TAF12: variants seen among roughly 807,000 people sequenced by gnomAD.
TAF12 encodes transcription initiation factor TFIID subunit 12.
Under a neutral mutation model 20.8 loss-of-function variants are expected in TAF12, and 3 were observed. The ratio of observed to expected loss-of-function variants is 0.14; its 90% CI spans 0.07 to 0.37. The LOEUF is 0.37. Among genes scored for constraint, TAF12 ranks in the 10% least tolerant of loss-of-function variants. The pLI, the probability that TAF12 is intolerant of heterozygous loss-of-function variation, is 1.00. For synonymous variants in TAF12, 69 were observed against 70.2 expected, an observed-to-expected ratio of 0.98 and a Z score of 0.09; for missense variants, 131 against 197.9, an observed-to-expected ratio of 0.66 and a Z score of 2.03.
intron 3 of TAF12, among the ~76,000 whole-genome samples, chr1:28,614,687 A>C (rs74566392): frequency 6.6e-6 from 1 of 151,706 alleles, no homozygotes; most frequent in African/African-American, 2.4e-5. Context: ...AAAAAAAAAA[A>C]AGCAAGCAAG....
At position 28,622,099 on chromosome 1, in the gene TAF12, A is replaced by C. The variant is rs748353865; in HGVS notation, c.-18T>G. 13 of 1,606,540 alleles carry C rather than the reference A, an allele frequency of 8.1e-6. No homozygotes were observed. Among genetic ancestry groups the C allele is most frequent in the Non-Finnish European group, 1.1e-5 (13 of 1,177,918 alleles). ...TGGTTCATAATCTGCCGAGCTTTGG[A>C]CTTCAGCTCATAGAGCTTATCGAGA... is the stretch of plus-strand genomic sequence containing the variant. On this transcript the variant is annotated 5_prime_UTR_variant, in exon 2 of 6. Transcript: ENST00000373824.
chr1:28,639,285 G>A (rs1006643058), intron 1 of TAF12, among the ~76,000 whole-genome samples: 3 of 151,526 alleles, frequency 2.0e-5, no homozygotes, highest in Non-Finnish European at 4.4e-5. Flanking sequence ...GCATGGTGGC[G>A]CATGCCTGTA....
intron 3 of TAF12, among the ~76,000 whole-genome samples, chr1:28,616,855 C>T (rs1375695583): frequency 1.3e-5 from 2 of 152,132 alleles, no homozygotes; most frequent in Non-Finnish European, 2.9e-5. Flanking sequence ...CACGGTGACT[C>T]ACACCTGTAA....
At chr1:28,635,437 C>G (rs894646276) in intron 1 of TAF12, among the ~76,000 whole-genome samples, 1 of 150,932 alleles carries the variant, frequency 6.6e-6, no homozygotes, top group African/African-American at 2.4e-5. Flanking sequence ...TCCTGAGTAG[C>G]TGGGTCTACA....
chr1:28,644,237 G>A (rs574557011), upstream of TAF12, among the ~76,000 whole-genome samples: 19 of 152,118 alleles, frequency 1.2e-4, no homozygotes, highest in Non-Finnish European at 2.5e-4. Flanking sequence ...AGGAAGAGGT[G>A]CCCAGATTGG....
At chr1:28,620,247 C>T (rs781604956) in intron 2 of TAF12, among the ~76,000 whole-genome samples, 40 of 150,688 alleles carry the variant, frequency 2.7e-4, no homozygotes, top group Non-Finnish European at 1.3e-4. Context: ...GATTCTTTTG[C>T]CTCAGCCTCC....
At chr1:28,613,018 C>G (rs960154459) in intron 4 of TAF12, among the ~76,000 whole-genome samples, 71 of 152,208 alleles carry the variant, frequency 4.7e-4, no homozygotes, top group Non-Finnish European at 2.6e-4. Flanking sequence ...GAAAAATAGG[C>G]TGATACAACT....
intron 5 of TAF12, among the ~76,000 whole-genome samples, chr1:28,604,271 G>T (rs1046068776): frequency 6.6e-6 from 1 of 152,056 alleles, no homozygotes; most frequent in African/African-American, 2.4e-5. Context: ...ATAGGGAAGG[G>T]GCCTCAATTT....
At chr1:28,646,743 G>A (rs1455817310), upstream of TAF12, among the ~76,000 whole-genome samples, 1 of 144,110 alleles carries the variant, frequency 6.9e-6, no homozygotes, top group East Asian at 2.1e-4. Context: ...CTGTCGCCCA[G>A]GCTGGAGTGC....
At chr1:28,619,647 G>GAAA (rs56098932) in intron 2 of TAF12, among the ~76,000 whole-genome samples, 11 of 59,450 alleles carry the variant, frequency 1.9e-4, no homozygotes, top group South Asian at 6.1e-4. Flanking sequence ...AAATTCCACT[G>GAAA]AAAAAAAAAA....
At chr1:28,647,410 T>G (rs376608362), upstream of TAF12, among the ~76,000 whole-genome samples, 12 of 152,162 alleles carry the variant, frequency 7.9e-5, no homozygotes, top group African/African-American at 2.9e-4. Flanking sequence ...GCCTCAGCCT[T>G]TGGGGTAGCT....
intron 1 of TAF12, among the ~76,000 whole-genome samples, chr1:28,633,766 G>C (rs1039554054): frequency 6.6e-6 from 1 of 151,832 alleles, no homozygotes; most frequent in Non-Finnish European, 1.5e-5. Flanking sequence ...ACAAAAATTA[G>C]CTGGGCATGG....
rs1006837778 is a variant in TAF12, at chr1:28,603,545, C to T, written c.480G>A (p.Lys160=). 1 of 1,613,698 alleles carries T rather than the reference C, an allele frequency of 6.2e-7. No homozygotes were observed. Among genetic ancestry groups the T allele is most frequent in the African/African-American group, 1.3e-5 (1 of 75,022 alleles). ...QRMALIRKTT[K]K Reference sequence around the variant, plus strand: ...TCCCTGACCTTTCCGTGTGTTATTTCTTGGTTGTTTTCCGGATCAATGCCA... The same window carrying T: ...TCCCTGACCTTTCCGTGTGTTATTTTTTGGTTGTTTTCCGGATCAATGCCA... The change falls in exon 6 of 6, where the codon AAG becomes AAA. Residue 160 remains lysine (K), a synonymous_variant. Transcript: ENST00000373824.
In TAF12 at chr1:28,622,074, T is replaced by G. The variant is rs756805497; in HGVS notation, c.8A>C (p.Gln3Pro). 1 of 1,611,738 alleles carries G rather than the reference T, an allele frequency of 6.2e-7. No individual in the cohort carries two copies. Among genetic ancestry groups the G allele is most frequent in the African/African-American group, 1.3e-5 (1 of 74,836 alleles). Residue 3 changes from glutamine (Q) to proline (P), a missense_variant, in exon 2 of 6, where the codon CAG becomes CCG. Physicochemically the swap from Gln to Pro is moderately conservative, Grantham distance 76. Coordinates refer to ENST00000373824, the MANE Select transcript of TAF12 (RefSeq NM_005644.4). ...GTTGATTAGGGCTGAGGGGCCAAAC[T>G]GGTTCATAATCTGCCGAGCTTTGGA... Reference protein sequence around the residue: MNQFGPSALINLS... With the variant: MNPFGPSALINLS...
At chr1:28,621,853 T>C in intron 2 of TAF12, 61 bp downstream of exon 2, 1 of 1,587,242 alleles carries the variant, frequency 6.3e-7, no homozygotes, top group Non-Finnish European at 8.5e-7. Context: ...TCTTAAAGTA[T>C]TACAGATTGA....
At chr1:28,627,239 T>C (rs1179937957) in intron 1 of TAF12, among the ~76,000 whole-genome samples, 1 of 151,404 alleles carries the variant, frequency 6.6e-6, no homozygotes, top group Non-Finnish European at 1.5e-5. Context: ...AATATAAAAA[T>C]TAGCCGGGCG....
intron 1 of TAF12, among the ~76,000 whole-genome samples, chr1:28,628,945 G>A (rs1305615035): frequency 6.6e-6 from 1 of 152,192 alleles, no homozygotes. Context: ...GTTGGCGGGC[G>A]CCTGTAATCC....
intron 1 of TAF12, among the ~76,000 whole-genome samples, chr1:28,623,494 A>ATAAC (rs1570316829): frequency 6.6e-6 from 1 of 151,538 alleles, no homozygotes; most frequent in Admixed American, 6.6e-5. Context: ...ATAAAAATAA[A>ATAAC]TAAATAAATA....
At chr1:28,638,300 C>T (rs1028864248) in intron 1 of TAF12, among the ~76,000 whole-genome samples, 5 of 151,190 alleles carry the variant, frequency 3.3e-5, no homozygotes, top group African/African-American at 1.2e-4. Context: ...AAGGATTCTC[C>T]TGCCTCAGCC....
Sources: gnomAD v4.1 joint callset for allele counts (sites outside exome capture counted in the v4.1 genomes callset) on GRCh38, gnomAD v4.1.1 for gene constraint, MANE v1.5 for transcripts, NCBI Gene and HGNC (gene_info 2026-07-23, HGNC 2026-07-21) for gene names.